DLC1: variants seen among roughly 807,000 people sequenced by gnomAD.
The protein encoded by DLC1 is DLC1 Rho GTPase activating protein.
DLC1 carries 54 observed loss-of-function variants against 140.3 expected under a neutral mutation model. The observed-to-expected ratio is 0.38, with a 90% CI of 0.31 to 0.48. DLC1 has a LOEUF of 0.48. Among genes scored for constraint, DLC1 ranks in the 20% least tolerant of loss-of-function variants. The pLI, the probability that DLC1 is intolerant of heterozygous loss-of-function variation, is 0.96. For synonymous variants in DLC1, 986 were observed against 728.1 expected (o/e 1.35, Z -5.70); for missense variants, 2,536 against 1,907.0 (o/e 1.33, Z -6.14).
intron 4 of DLC1, among the ~76,000 whole-genome samples, chr8:13,370,370 G>C (rs1462119568): frequency 1.3e-5 from 2 of 152,120 alleles, no homozygotes; most frequent in African/African-American, 2.4e-5. Flanking sequence ...TTTGTTGAGT[G>C]ACTGACTGAC....
intron 2 of DLC1, among the ~76,000 whole-genome samples, chr8:13,410,444 C>T (rs992241814): frequency 3.3e-5 from 5 of 151,946 alleles, no homozygotes; most frequent in Admixed American, 6.6e-5. Flanking sequence ...ATGTGTACCT[C>T]AAAAATCCAA....
intron 2 of DLC1, among the ~76,000 whole-genome samples, chr8:13,438,508 C>G (rs1839222885): frequency 6.6e-6 from 1 of 152,118 alleles, no homozygotes; most frequent in Admixed American, 6.5e-5. Flanking sequence ...CAACGCCTTC[C>G]TATCACCCCA....
chr8:13,449,478 G>A (rs1297024820), intron 2 of DLC1, among the ~76,000 whole-genome samples: 1 of 152,144 alleles, frequency 6.6e-6, no homozygotes, highest in African/African-American at 2.4e-5. Context: ...GCTATAGGAT[G>A]CATCATTGGC....
intron 2 of DLC1, among the ~76,000 whole-genome samples, chr8:13,493,284 A>T (rs1801347794): frequency 2.0e-5 from 3 of 152,240 alleles, no homozygotes; most frequent in African/African-American, 7.2e-5. Context: ...GCTGATACTA[A>T]GCTTATTCAC....
At chr8:13,226,802 G>A (rs1245190485) in intron 5 of DLC1, among the ~76,000 whole-genome samples, 1 of 152,176 alleles carries the variant, frequency 6.6e-6, no homozygotes, top group African/African-American at 2.4e-5. Context: ...GTAGCTTTGG[G>A]AGCCTGGAAA....
chr8:13,556,471 G>C lies in DLC1; in HGVS notation c.-126+48066C>G, dbSNP rs140792338. ...GTGATTCTAATGTATAGCAAAATTTGAATACCCGGCAGGGGGTCCAGACAA... is the reference window on the plus strand; with the variant it reads ...GTGATTCTAATGTATAGCAAAATTTCAATACCCGGCAGGGGGTCCAGACAA... On this transcript the variant is annotated intron_variant, in intron 1 of 1. Transcript: ENST00000631382. 5.8e-4 allele frequency among the ~76,000 whole-genome samples: 88 copies of C among 152,292 alleles called. No individual in the cohort carries two copies. In the East Asian group the frequency reaches 0.014, roughly 25 times the overall value.
chr8:13,311,993 C>T (rs1239544080), intron 4 of DLC1, among the ~76,000 whole-genome samples: 1 of 152,164 alleles, frequency 6.6e-6, no homozygotes, highest in African/African-American at 2.4e-5. Flanking sequence ...TTTGACAAAG[C>T]TCTGGTTGAG....
chr8:13,518,696 G>A (rs1159412969), upstream of DLC1, among the ~76,000 whole-genome samples: 1 of 152,060 alleles, frequency 6.6e-6, no homozygotes, highest in Non-Finnish European at 1.5e-5. Context: ...TTCCATTTTT[G>A]TTAATGAATA....
Position 13,100,378 on chromosome 8 carries a change from C to T in DLC1, c.1959G>A (p.Met653Ile), listed in dbSNP as rs1415378250. 6.2e-7 allele frequency: 1 copy of T among 1,614,028 alleles called. No individual in the cohort carries two copies. The highest frequency in any genetic ancestry group is 8.5e-7 in the Non-Finnish European group (1 of 1,180,004). The change falls in exon 9 of 18, where the codon ATG (methionine) becomes ATA (isoleucine). Residue 653 changes from methionine to isoleucine, a missense_variant. Met to Ile is a conservative substitution (Grantham distance 10, BLOSUM62 1). Coordinates refer to ENST00000276297, the MANE Select transcript of DLC1 (RefSeq NM_182643.3). Reference protein sequence around the residue: ...PKELSSFSFSMKGHEKTAKSK... With the variant: ...PKELSSFSFSIKGHEKTAKSK... Reference sequence around the variant, plus strand: ...ACTTGGCAGTTTTTTCGTGGCCTTTCATGCTGAAGCTGAAGCTGGACAGTT... The same window carrying T: ...ACTTGGCAGTTTTTTCGTGGCCTTTTATGCTGAAGCTGAAGCTGGACAGTT...
intron 5 of DLC1, among the ~76,000 whole-genome samples, chr8:13,232,036 G>T (rs1009780742): frequency 6.6e-6 from 1 of 152,058 alleles, no homozygotes; most frequent in African/African-American, 2.4e-5. Context: ...AGCCATCCAT[G>T]GCTTCTCAGT....
intron 2 of DLC1, among the ~76,000 whole-genome samples, chr8:13,451,890 G>C (rs1799077096): frequency 6.6e-6 from 1 of 152,212 alleles, no homozygotes; most frequent in African/African-American, 2.4e-5. Flanking sequence ...ATACCCAGCA[G>C]TAGGATTGCT....
chr8:13,279,660 A>G (rs1209049140), intron 5 of DLC1, among the ~76,000 whole-genome samples: 1 of 152,180 alleles, frequency 6.6e-6, no homozygotes, highest in Non-Finnish European at 1.5e-5. Context: ...GGGTATTTCA[A>G]CCCCTTATGG....
chr8:13,360,043 C>T (rs1835151796), intron 4 of DLC1, among the ~76,000 whole-genome samples: 1 of 152,112 alleles, frequency 6.6e-6, no homozygotes, highest in East Asian at 1.9e-4. Flanking sequence ...TAAAGCTTTC[C>T]ACACAACTGG....
intron 10 of DLC1, chr8:13,095,665 G>C (rs1332101323): frequency 1.7e-5 from 3 of 176,268 alleles, no homozygotes; most frequent in Admixed American, 1.6e-4. Flanking sequence ...GAAGGAACAA[G>C]CAGAAAACAA....
chr8:13,258,487 A>G (rs1294898264), intron 5 of DLC1, among the ~76,000 whole-genome samples: 1 of 152,212 alleles, frequency 6.6e-6, no homozygotes, highest in African/African-American at 2.4e-5. Context: ...TTTTCACTTA[A>G]ACCCTCTAAG....
chr8:13,259,170 A>G (rs977078662), intron 5 of DLC1, among the ~76,000 whole-genome samples: 4 of 151,906 alleles, frequency 2.6e-5, no homozygotes, highest in African/African-American at 9.6e-5. Flanking sequence ...GAGAAAATCA[A>G]AAGATTAAAA....
At chr8:13,379,937 C>G (rs1157297541) in intron 4 of DLC1, among the ~76,000 whole-genome samples, 1 of 152,094 alleles carries the variant, frequency 6.6e-6, no homozygotes, top group South Asian at 2.1e-4. Context: ...TATGTGGGAG[C>G]TGAACAATGA....
chr8:13,231,049 G>C (rs923015542), intron 5 of DLC1, among the ~76,000 whole-genome samples: 2 of 152,154 alleles, frequency 1.3e-5, no homozygotes, highest in Admixed American at 6.5e-5. Context: ...GCTGGGAAGA[G>C]AGGAAAGGGA....
chr8:13,281,000 A>G (rs1243873368), intron 5 of DLC1, among the ~76,000 whole-genome samples: 1 of 152,178 alleles, frequency 6.6e-6, no homozygotes, highest in Non-Finnish European at 1.5e-5. Context: ...ACTCCACAGA[A>G]GATCTTCTCC....
Sources: gnomAD v4.1 joint callset for allele counts (sites outside exome capture counted in the v4.1 genomes callset) on GRCh38, gnomAD v4.1.1 for gene constraint, MANE v1.5 for transcripts, NCBI Gene and HGNC (gene_info 2026-07-23, HGNC 2026-07-21) for gene names.